XPO4: variants seen among roughly 807,000 people sequenced by gnomAD.
The protein encoded by XPO4 is exportin 4, also known as exportin-4.
In XPO4, 39 loss-of-function variants were observed where a neutral mutation model predicts 143.0. The ratio of observed to expected loss-of-function variants is 0.27; its 90% confidence interval spans 0.21 to 0.36. The LOEUF (loss-of-function observed/expected upper bound fraction) is 0.36, where lower values mean the gene tolerates loss of function less well. XPO4 is among the 10% of genes least tolerant of loss of function. XPO4 has a pLI of 1.00. For synonymous variants in XPO4, 439 were observed against 474.0 expected, an observed-to-expected ratio of 0.93 and a Z score of 0.96; for missense variants, 907 against 1,348.0, an observed-to-expected ratio of 0.67 and a Z score of 5.12.
chr13:20,786,307 G>GTATATATA (rs35172496), intron 22 of XPO4, among the ~76,000 whole-genome samples: 8 of 147,060 alleles, frequency 5.4e-5, no homozygotes, highest in South Asian at 2.2e-4. Flanking sequence ...ACGTGTGTGT[G>GTATATATA]TATATATATA....
intron 6 of XPO4, among the ~76,000 whole-genome samples, chr13:20,834,564 C>A (rs988431084): frequency 1.3e-4 from 20 of 151,122 alleles, no homozygotes; most frequent in Admixed American, 6.6e-4. Context: ...CAGGGCGAGA[C>A]CCAGTCTCAA....
At chr13:20,870,459 A>C (rs1401243653) in intron 1 of XPO4, among the ~76,000 whole-genome samples, 4 of 151,916 alleles carry the variant, frequency 2.6e-5, no homozygotes, top group Non-Finnish European at 5.9e-5. Flanking sequence ...TTTACTAATA[A>C]AACTGTGAGG....
chr13:20,796,483 C>A (rs1028350846), intron 17 of XPO4, among the ~76,000 whole-genome samples: 6 of 151,534 alleles, frequency 4.0e-5, no homozygotes, highest in African/African-American at 1.5e-4. Context: ...TATTCAGGTG[C>A]AGCAAACCAC....
At position 20,778,417 on chromosome 13, in the gene XPO4, C is replaced by T. The variant is rs1255668303; in HGVS notation, c.*5305G>A. 5 of 152,078 alleles carry T rather than the reference C, an allele frequency of 3.3e-5. No individual in the cohort carries two copies. The highest frequency in any genetic ancestry group is 1.2e-4 in the African/African-American group (5 of 41,414). 9.4% of individuals were successfully genotyped at this position (152,078 alleles called of 1,614,324 possible). A position where few individuals can be genotyped will look rare whatever the true frequency, so the allele number is the denominator to read the frequency against. On this transcript the variant is annotated 3_prime_UTR_variant, in exon 23 of 23. Coordinates refer to ENST00000255305, the MANE Select transcript of XPO4 (RefSeq NM_022459.5). ...ATTTTCTTTAAAAATTAACTTTTCA[C>T]TTCATATGTTTACAAGATTTAACAC... is the stretch of plus-strand genomic sequence containing the variant.
chr13:20,888,348 G>A (rs1163450929), intron 1 of XPO4, among the ~76,000 whole-genome samples: 3 of 151,906 alleles, frequency 2.0e-5, no homozygotes, highest in African/African-American at 7.3e-5. Flanking sequence ...GAAACCTGGT[G>A]GGGGTTTTGT....
chr13:20,850,818 A>G (rs2060077341), intron 4 of XPO4: 1 of 985,440 alleles, frequency 1.0e-6, no homozygotes, highest in Non-Finnish European at 1.2e-6. Context: ...CGAAGGGGGA[A>G]AAGCCAGACT....
chr13:20,865,860 G>A (rs1466435095), intron 2 of XPO4, among the ~76,000 whole-genome samples: 1 of 152,248 alleles, frequency 6.6e-6, no homozygotes, highest in African/African-American at 2.4e-5. Flanking sequence ...GATGGAAGAT[G>A]ATTTATTAAT....
intron 3 of XPO4, among the ~76,000 whole-genome samples, chr13:20,859,401 C>T (rs1051486541): frequency 1.3e-5 from 2 of 152,082 alleles, no homozygotes; most frequent in Non-Finnish European, 2.9e-5. Flanking sequence ...GAAATGGAGA[C>T]CATCCTGGCT....
At chr13:20,860,913 T>C (rs1368812245) in intron 3 of XPO4, among the ~76,000 whole-genome samples, 1 of 150,068 alleles carries the variant, frequency 6.7e-6, no homozygotes, top group East Asian at 1.9e-4. Context: ...TTTGCCTTTG[T>C]TCTCTCCTGT....
At chr13:20,871,319 CTTTT>C (rs1486685046) in intron 1 of XPO4, among the ~76,000 whole-genome samples, 1 of 152,062 alleles carries the variant, frequency 6.6e-6, no homozygotes, top group African/African-American at 2.4e-5. Context: ...CGTGCCCAGT[CTTTT>C]TTGTTTTGTT....
At chr13:20,816,849 C>T (rs1238153664) in intron 9 of XPO4, among the ~76,000 whole-genome samples, 3 of 152,176 alleles carry the variant, frequency 2.0e-5, no homozygotes, top group African/African-American at 7.2e-5. Context: ...AAAATAGTAA[C>T]TAGTTTTCTT....
chr13:20,895,127 G>C (rs1226504518), intron 1 of XPO4, among the ~76,000 whole-genome samples: 2 of 151,986 alleles, frequency 1.3e-5, no homozygotes, highest in Non-Finnish European at 2.9e-5. Flanking sequence ...GCAGGGAGCC[G>C]AGATTGCGCC....
intron 7 of XPO4, among the ~76,000 whole-genome samples, chr13:20,825,308 T>C (rs976311099): frequency 1.3e-5 from 2 of 152,240 alleles, no homozygotes; most frequent in South Asian, 2.1e-4. Flanking sequence ...TACTGATGCT[T>C]ATCCAAATCT....
chr13:20,887,309 A>C (rs2060470089), intron 1 of XPO4, among the ~76,000 whole-genome samples: 1 of 152,198 alleles, frequency 6.6e-6, no homozygotes, highest in Non-Finnish European at 1.5e-5. Context: ...ATCTTAAGAT[A>C]CTTCACATAA....
chr13:20,833,351 T>A (rs916142817), intron 6 of XPO4, among the ~76,000 whole-genome samples: 2 of 152,128 alleles, frequency 1.3e-5, no homozygotes, highest in African/African-American at 4.8e-5. Flanking sequence ...GGGGGACTGG[T>A]TCCAGGACCT....
intron 13 of XPO4, 58 bp from the exon 14 acceptor site, chr13:20,801,048 A>G (rs2137848818): frequency 2.7e-5 from 42 of 1,580,080 alleles, no homozygotes; most frequent in Non-Finnish European, 3.3e-5. Context: ...CTGTCTAATC[A>G]TATTTTTTTC....
At chr13:20,851,226 T>A in intron 4 of XPO4, 5 of 985,434 alleles carry the variant, frequency 5.1e-6, no homozygotes, top group Non-Finnish European at 6.0e-6. Context: ...TGAGCTAGTT[T>A]CAAGCTACTG....
At position 20,785,660 on chromosome 13, in the gene XPO4, C is replaced by A. The variant is rs1355318570; in HGVS notation, c.3258+1305G>T. On this transcript the variant is annotated intron_variant, in intron 22 of 22. Transcript: ENST00000255305. ...AGCCTGGGTAATAATAAAGTGAGAC[C>A]CTGTCTCAGAAAAAAAAAAAAAGCG... 2.7e-5 allele frequency among the ~76,000 whole-genome samples: 4 copies of A among 150,706 alleles called. No individual in the cohort carries two copies. In the South Asian group the frequency reaches 8.4e-4, roughly 32 times the overall value.
In XPO4 at chr13:20,787,462, T is replaced by C. The variant is rs759308340; in HGVS notation, c.3165+19A>G. The stretch of plus-strand genomic sequence containing the variant: ...TTTGAAAGTAGCTGATTTTCTGACC[T>C]ACCGCACAGACATCTTACCTTAAGA... On this transcript the variant is annotated intron_variant, in intron 21 of 22. Transcript: ENST00000255305. 1.1e-5 allele frequency: 18 copies of C among 1,605,230 alleles called. No individual in the cohort carries two copies. The highest frequency in any genetic ancestry group is 4.0e-5 in the African/African-American group (3 of 74,776).
Sources: gnomAD v4.1 joint callset for allele counts (sites outside exome capture counted in the v4.1 genomes callset) on GRCh38, gnomAD v4.1.1 for gene constraint, MANE v1.5 for transcripts, NCBI Gene and HGNC (gene_info 2026-07-23, HGNC 2026-07-21) for gene names.